The following DNAH7 variants were observed in gnomAD, a reference collection of about 807,000 sequenced individuals.
The protein encoded by DNAH7 is axonemal beta dynein heavy chain 7.
Under a neutral mutation model 444.6 loss-of-function variants are expected in DNAH7, and 397 were observed. The observed-to-expected ratio is 0.89, with a 90% CI of 0.82 to 0.97. The LOEUF (loss-of-function observed/expected upper bound fraction) is 0.97, where lower values mean the gene tolerates loss of function less well. Ranked by LOEUF, DNAH7 falls within the 50% of genes least tolerant of loss-of-function variation. The probability of loss-of-function intolerance (pLI) is 0.00; values close to 1 mark genes in which losing one functional copy is unlikely to be tolerated. For synonymous variants in DNAH7, 1,636 were observed against 1,624.4 expected, an observed-to-expected ratio of 1.01 and a Z score of -0.17; for missense variants, 4,902 against 4,800.8, an observed-to-expected ratio of 1.02 and a Z score of -0.62.
rs1699491720 is a variant in DNAH7, at chr2:195,853,238, CT to C, written c.8781+104del. ...GAAATCATGCAAAAATACCTTCCTC[CT>C]TGTACTTAACAAAAAACTGAAACCA... is the stretch of plus-strand genomic sequence containing the variant. On this transcript the variant is annotated intron_variant, in intron 46 of 64. Coordinates refer to ENST00000312428, the MANE Select transcript of DNAH7 (RefSeq NM_018897.3). 3 of 1,037,364 alleles carry C rather than the reference CT, an allele frequency of 2.9e-6. No individual in the cohort carries two copies. In the Admixed American group the frequency reaches 9.0e-5, roughly 31 times the overall value. The allele number at this position is 1,037,364 out of a possible 1,614,324, so 64.3% of individuals were successfully genotyped here. A position where few individuals can be genotyped will look rare whatever the true frequency, so the allele number is the denominator to read the frequency against.
At chr2:195,917,419 G>T (rs904036487) in intron 24 of DNAH7, among the ~76,000 whole-genome samples, 3 of 151,998 alleles carry the variant, frequency 2.0e-5, no homozygotes, top group Non-Finnish European at 4.4e-5. Context: ...CAGGTGGACA[G>T]CCCACCCTAA....
intron 55 of DNAH7, among the ~76,000 whole-genome samples, chr2:195,798,914 C>T (rs945429090): frequency 3.3e-5 from 5 of 152,022 alleles, no homozygotes; most frequent in African/African-American, 9.7e-5. Flanking sequence ...GAAGGCCCCC[C>T]GTTAGAGAGT....
chr2:195,817,943 C>T (rs1697301072), intron 49 of DNAH7, 114 bp from the exon 50 acceptor site: 2 of 685,474 alleles, frequency 2.9e-6, no homozygotes, highest in South Asian at 3.2e-5. Flanking sequence ...TATGGTAGTA[C>T]TTGTGAAGGT....
intron 41 of DNAH7, 78 bp from the exon 42 acceptor site, chr2:195,862,024 T>C (rs561923986): frequency 9.2e-7 from 1 of 1,091,500 alleles, no homozygotes; most frequent in African/African-American, 1.6e-5. Context: ...CCTTTACAAC[T>C]TATGGATGTT....
At position 195,816,767 on chromosome 2, in the gene DNAH7, T is replaced by A; in HGVS notation, c.9622A>T (p.Ile3208Phe). 1 of 1,614,192 alleles carries A rather than the reference T, an allele frequency of 6.2e-7. No individual in the cohort carries two copies. Among genetic ancestry groups the A allele is most frequent in the South Asian group, 1.1e-5 (1 of 91,086 alleles). The change falls in exon 51 of 65, where the codon ATC (isoleucine) becomes TTC (phenylalanine). Residue 3208 changes from isoleucine to phenylalanine, a missense_variant. Transcript: ENST00000312428. ...GAAAAAAATAGGATGGAAGAATGGATGGCAATAGGACGATAGCCCATGCGG... is the reference window on the plus strand; with the variant it reads ...GAAAAAAATAGGATGGAAGAATGGAAGGCAATAGGACGATAGCCCATGCGG... ...TTRMGYRPIA[I>F]HSSILFFSLA...
intron 2 of DNAH7, 99 bp downstream of exon 2, chr2:196,057,955 T>C (rs1697909988): frequency 1.0e-6 from 1 of 995,746 alleles, no homozygotes; most frequent in Non-Finnish European, 1.4e-6. Flanking sequence ...TTGTATAAAA[T>C]TTAAAATCAG....
At position 195,883,254 on chromosome 2, in the gene DNAH7, T is replaced by C. The variant is rs545349343; in HGVS notation, c.5764-1262A>G. Among the ~76,000 whole-genome samples the C allele has an allele frequency of 5.6e-3, 860 of 152,246 alleles. 4 individuals carry two copies. Among genetic ancestry groups the C allele is most frequent in the Non-Finnish European group, 7.4e-3 (504 of 68,006 alleles). On this transcript the variant is annotated intron_variant, in intron 35 of 64. Coordinates refer to ENST00000312428, the MANE Select transcript of DNAH7 (RefSeq NM_018897.3). ...CAAGGTCAGGAGATTGAGACCATCCTGGCTAACACGGTGAAACCCCGTCTC... is the reference window on the plus strand; with the variant it reads ...CAAGGTCAGGAGATTGAGACCATCCCGGCTAACACGGTGAAACCCCGTCTC...
intron 17 of DNAH7, among the ~76,000 whole-genome samples, chr2:195,968,522 C>T (rs1691632691): frequency 6.6e-6 from 1 of 151,996 alleles, no homozygotes; most frequent in South Asian, 2.1e-4. Context: ...TTTCTCTCCT[C>T]CCTACTCTCC....
chr2:195,864,858 C>A lies in DNAH7; in HGVS notation c.6797G>T (p.Arg2266Leu), dbSNP rs765262499. The part of the protein sequence containing the change: ...NDGMVEADDL[R>L]SLMFCDFHDP... ...ATGGAAATCACAAAACATTAAGCTG[C>A]GTAAGTCATCTGCTTCCACCATGCC... Residue 2266 changes from arginine to leucine, a missense_variant, in exon 41 of 65, where the codon CGC (arginine) becomes CTC (leucine). Transcript: ENST00000312428. 1.9e-6 allele frequency: 3 copies of A among 1,613,932 alleles called. No homozygotes were observed. The highest frequency in any genetic ancestry group is 2.2e-5 in the South Asian group (2 of 91,072).
chr2:196,034,039 A>T (rs1481032809), intron 5 of DNAH7, among the ~76,000 whole-genome samples: 1 of 152,206 alleles, frequency 6.6e-6, no homozygotes, highest in African/African-American at 2.4e-5. Context: ...ATTTTCAACA[A>T]TATACCAAAG....
chr2:195,984,836 T>C (rs1017021599), intron 14 of DNAH7, 126 bp from the exon 15 acceptor site: 3 of 860,678 alleles, frequency 3.5e-6, no homozygotes, highest in Admixed American at 2.6e-5. Context: ...CTATATGACA[T>C]CTAATAATTA....
At chr2:195,866,713 G>A (rs1305862768) in intron 40 of DNAH7, among the ~76,000 whole-genome samples, 1 of 152,184 alleles carries the variant, frequency 6.6e-6, no homozygotes. Context: ...AAAACACAGA[G>A]GATGATTCCT....
At chr2:195,982,582 G>A (rs1027407101) in intron 15 of DNAH7, among the ~76,000 whole-genome samples, 1 of 152,166 alleles carries the variant, frequency 6.6e-6, no homozygotes, top group African/African-American at 2.4e-5. Context: ...AGCAATGTAA[G>A]TGTCCATCAA....
At chr2:195,908,243 G>C (rs558205594) in intron 25 of DNAH7, among the ~76,000 whole-genome samples, 2 of 151,564 alleles carry the variant, frequency 1.3e-5, no homozygotes, top group Middle Eastern at 3.4e-3. Flanking sequence ...ATTTTTATTT[G>C]TACAAATTTA....
chr2:195,958,912 G>T (rs1690884157), intron 18 of DNAH7, among the ~76,000 whole-genome samples: 1 of 152,110 alleles, frequency 6.6e-6, no homozygotes, highest in South Asian at 2.1e-4. Context: ...CCAGACAGTT[G>T]TAATTACTCT....
rs755045731 is a variant in DNAH7, at chr2:195,796,729, C to T, written c.10362G>A (p.Gly3454=). 11 of 1,613,462 alleles carry T rather than the reference C, an allele frequency of 6.8e-6. No homozygotes were observed. Among genetic ancestry groups the T allele is most frequent in the Non-Finnish European group, 8.5e-6 (10 of 1,179,788 alleles). ...GAGATAAAGAGCTAAGTTTTGATCC[C>T]CCATATCCCTGTGTACAAGAATAGT... ...LLKFADDQGY[G]GSKLSSLSLG... is the part of the protein sequence containing the mutation. The change falls in exon 56 of 65, where the codon GGG becomes GGA. Residue 3454 remains glycine, a synonymous_variant. Transcript: ENST00000312428.
At chr2:195,984,956 C>T (rs533684576) in intron 14 of DNAH7, among the ~76,000 whole-genome samples, 63 of 152,108 alleles carry the variant, frequency 4.1e-4, no homozygotes, top group African/African-American at 1.5e-3. Context: ...AGCATAATGG[C>T]CCTCAAGCAA....
chr2:195,932,055 G>A (rs975116988), intron 21 of DNAH7, among the ~76,000 whole-genome samples: 2 of 152,184 alleles, frequency 1.3e-5, no homozygotes, highest in African/African-American at 2.4e-5. Context: ...CTACCCATGA[G>A]CATGGAATGT....
At chr2:195,995,478 G>T in intron 12 of DNAH7, 1 of 350,594 alleles carries the variant, frequency 2.9e-6, no homozygotes. Context: ...GCCCTCAGGG[G>T]TTTTGAAACC....
Sources: gnomAD v4.1 joint callset for allele counts (sites outside exome capture counted in the v4.1 genomes callset) on GRCh38, gnomAD v4.1.1 for gene constraint, MANE v1.5 for transcripts, NCBI Gene and HGNC (gene_info 2026-07-23, HGNC 2026-07-21) for gene names.